Variants in ACSS1 observed in about 807,000 individuals in gnomAD.
ACSS1 encodes acyl-CoA synthetase short chain family member 1, also known as acetyl-coenzyme A synthetase 2-like, mitochondrial.
Under a neutral mutation model 75.3 loss-of-function variants are expected in ACSS1, and 42 were observed. The ratio of observed to expected loss-of-function variants is 0.56; its 90% CI spans 0.44 to 0.72. The LOEUF (loss-of-function observed/expected upper bound fraction) is 0.72, where lower values mean the gene tolerates loss of function less well. ACSS1 is among the 30% of genes least tolerant of loss of function. The pLI is 0.00. For synonymous variants in ACSS1, 380 were observed against 376.8 expected (o/e 1.01, Z -0.10); for missense variants, 782 against 935.7 (o/e 0.84, Z 2.14).
At chr20:25,015,542 C>A (rs188738437) in intron 7 of ACSS1, among the ~76,000 whole-genome samples, 38 of 152,328 alleles carry the variant, frequency 2.5e-4, no homozygotes, top group Admixed American at 2.5e-3. Flanking sequence ...GGTGATCCAC[C>A]TGCCTTGGCC....
chr20:25,050,852 G>A (rs544713467), intron 1 of ACSS1, among the ~76,000 whole-genome samples: 1 of 152,182 alleles, frequency 6.6e-6, no homozygotes, highest in South Asian at 2.1e-4. Context: ...GAGAGGGGCA[G>A]GCCAGCCCCA....
chr20:25,045,974 G>A (rs2089081338), intron 2 of ACSS1: 1 of 152,098 alleles, frequency 6.6e-6, no homozygotes, highest in Non-Finnish European at 1.5e-5. Flanking sequence ...CACCCAGGAT[G>A]GAGTGCAGTG....
chr20:25,016,097 C>T (rs1757591317), intron 7 of ACSS1, among the ~76,000 whole-genome samples: 3 of 152,198 alleles, frequency 2.0e-5, no homozygotes, highest in Admixed American at 6.5e-5. Context: ...AGGAACGCCA[C>T]ATTGCAAAGA....
chr20:25,013,763 C>T (rs1410651177), intron 9 of ACSS1, 101 bp from the exon 10 acceptor site: 1 of 1,470,694 alleles, frequency 6.8e-7, no homozygotes, highest in Non-Finnish European at 9.0e-7. Flanking sequence ...CCATAGCTCT[C>T]CCCTCTGCCC....
At chr20:25,040,756 A>G (rs1207033734) in intron 2 of ACSS1, among the ~76,000 whole-genome samples, 2 of 152,130 alleles carry the variant, frequency 1.3e-5, no homozygotes, top group Admixed American at 6.5e-5. Flanking sequence ...TGCAGCCCCA[A>G]TACCCAAACC....
chr20:25,015,071 C>T (rs2088492272), intron 8 of ACSS1, 67 bp downstream of exon 8: 2 of 1,426,646 alleles, frequency 1.4e-6, no homozygotes. Flanking sequence ...GGACCCCAGT[C>T]CCAGCCTCAC....
Position 25,007,439 on chromosome 20 carries a change from C to T in ACSS1, c.*323G>A, listed in dbSNP as rs559910811. The T allele has an allele frequency of 8.4e-7, 1 of 1,185,980 alleles. No individual in the cohort carries two copies. The highest frequency in any genetic ancestry group is 4.2e-5 in the Admixed American group (1 of 23,922). The allele number at this position is 1,185,980 out of a possible 1,614,324, so 73.5% of individuals were successfully genotyped here. On this transcript the variant is annotated 3_prime_UTR_variant, in exon 14 of 14. Coordinates refer to ENST00000323482, the MANE Select transcript of ACSS1 (RefSeq NM_032501.4). Reference sequence around the variant, plus strand: ...GTGTTATCTGAGCAGGCGCGCTATCCCAGGGCCTCACCTTCCTGTGCTGGC... The same window carrying T: ...GTGTTATCTGAGCAGGCGCGCTATCTCAGGGCCTCACCTTCCTGTGCTGGC...
chr20:25,040,992 C>A (rs779948576), intron 2 of ACSS1, among the ~76,000 whole-genome samples: 1 of 152,238 alleles, frequency 6.6e-6, no homozygotes, highest in African/African-American at 2.4e-5. Context: ...GGCGCAGTGG[C>A]TCATGCCTGT....
In ACSS1 at chr20:25,035,258, C is replaced by T. The variant is rs577834846; in HGVS notation, c.432-4300G>A. Among the ~76,000 whole-genome samples the T allele has an allele frequency of 4.6e-5, 7 of 152,298 alleles. No homozygotes were observed. In the East Asian group the frequency reaches 1.4e-3, roughly 29 times the overall value. ...AATTCAACATGAGGTCACTAACCTG[C>T]ACCCTCCCAACTCCTAATACATGTA... is the stretch of plus-strand genomic sequence containing the variant. On this transcript the variant is annotated intron_variant, in intron 2 of 13. Coordinates refer to ENST00000323482, the MANE Select transcript of ACSS1 (RefSeq NM_032501.4).
At chr20:25,009,132 C>T (rs975820587) in intron 13 of ACSS1, 138 bp downstream of exon 13, 11 of 792,204 alleles carry the variant, frequency 1.4e-5, no homozygotes, top group Non-Finnish European at 2.1e-5. Context: ...TCCTCACCAC[C>T]AGCCAGGAAA....
intron 7 of ACSS1, among the ~76,000 whole-genome samples, chr20:25,018,626 GCCT>G (rs1200122162): frequency 1.3e-5 from 2 of 152,168 alleles, no homozygotes; most frequent in African/African-American, 4.8e-5. Flanking sequence ...ACCTCTCTGT[GCCT>G]CCTCTTCCTT....
intron 3 of ACSS1, 84 bp from the exon 4 acceptor site, chr20:25,023,725 C>T (rs1313989579): frequency 6.0e-6 from 8 of 1,333,112 alleles, no homozygotes; most frequent in Non-Finnish European, 7.1e-6. Flanking sequence ...GACATCCAGG[C>T]CTAGGAGTGT....
At chr20:25,008,638 C>G (rs972080369) in intron 13 of ACSS1, among the ~76,000 whole-genome samples, 1 of 152,148 alleles carries the variant, frequency 6.6e-6, no homozygotes, top group East Asian at 1.9e-4. Flanking sequence ...AATGAAAAGC[C>G]GGGGGTTGAA....
In ACSS1 at chr20:25,057,776, A is replaced by G. The variant is rs150889612; in HGVS notation, c.327T>C (p.Asn109=). The G allele has an allele frequency of 1.5e-5, 23 of 1,580,408 alleles. No homozygotes were observed. In the African/African-American group the frequency reaches 1.9e-4, roughly 13 times the overall value. Residue 109 remains asparagine (N), a synonymous_variant, in exon 1 of 14, where the codon AAT becomes AAC. Transcript: ENST00000323482. Reference sequence around the variant, plus strand: ...CTCCCGAAGCCCACTCACCAGAGACATTTAACTGGCCTCCCAGGAACCAGC... The same window carrying G: ...CTCCCGAAGCCCACTCACCAGAGACGTTTAACTGGCCTCCCAGGAACCAGC... ...KIGWFLGGQL[N]VSVNCLDQHV...
Position 25,058,007 on chromosome 20 carries a change from G to T in ACSS1, c.96C>A (p.Ser32Arg), listed in dbSNP as rs1046017750. The change falls in exon 1 of 14, where the codon AGC becomes AGA. Residue 32 changes from serine (S) to arginine (R), a missense_variant. This residue lies in a region of ACSS1 where 377 missense variants were observed against 383.1 expected (regional missense o/e 0.98). Transcript: ENST00000323482. ...GTCCCGAGGCCGCCCTGCGCGGCGC[G>T]CTCACCCCGCACGGCGGCCGCGCGG... Reference protein sequence around the residue: ...GQPARPPCGVSAPRRAASGPS... With the variant: ...GQPARPPCGVRAPRRAASGPS... 2.1e-5 allele frequency: 31 copies of T among 1,462,688 alleles called. 2 individuals are homozygous for T. The South Asian group carries it at 4.2e-4, about 20-fold the overall frequency. 90.6% of individuals were successfully genotyped at this position (1,462,688 alleles called of 1,614,324 possible). A position where few individuals can be genotyped will look rare whatever the true frequency, so the allele number is the denominator to read the frequency against.
At chr20:25,035,160 G>A (rs2122704132) in intron 2 of ACSS1, among the ~76,000 whole-genome samples, 1 of 152,100 alleles carries the variant, frequency 6.6e-6, no homozygotes, top group East Asian at 1.9e-4. Context: ...CTCCCGAAGT[G>A]CTGGGATTAC....
At chr20:25,041,041 G>A (rs1000891951) in intron 2 of ACSS1, among the ~76,000 whole-genome samples, 4 of 152,130 alleles carry the variant, frequency 2.6e-5, no homozygotes, top group Admixed American at 6.5e-5. Context: ...GGTGGATCAC[G>A]AAGTCAGGAG....
intron 2 of ACSS1, chr20:25,046,868 A>G (rs2089100687): frequency 1.3e-6 from 1 of 779,576 alleles, no homozygotes; most frequent in Non-Finnish European, 2.4e-6. Context: ...ATCTGCAACC[A>G]GGGACTAGAG....
rs1600318144 is a variant in ACSS1 at position 25,021,683 on chromosome 20, G to A, written c.961-147C>T. Reference sequence around the variant, plus strand: ...TCAAATGGCCTCCAGCAGCAGGACAGGTGGGCACACTGCAGAGTCCGTCTA... The same window carrying A: ...TCAAATGGCCTCCAGCAGCAGGACAAGTGGGCACACTGCAGAGTCCGTCTA... On this transcript the variant is annotated intron_variant, in intron 5 of 13. Coordinates refer to ENST00000323482, the MANE Select transcript of ACSS1 (RefSeq NM_032501.4). The A allele has an allele frequency of 2.0e-5, 19 of 972,366 alleles. No individual in the cohort carries two copies. In the East Asian group the frequency reaches 3.4e-4, roughly 17 times the overall value. The allele number at this position is 972,366 out of a possible 1,614,324, so 60.2% of individuals were successfully genotyped here. A position where few individuals can be genotyped will look rare whatever the true frequency, so the allele number is the denominator to read the frequency against.
Sources: allele counts gnomAD v4.1 joint callset (sites outside exome capture counted in the v4.1 genomes callset), GRCh38; gene constraint gnomAD v4.1.1; regional missense constraint gnomAD v4.1.1; transcripts MANE v1.5; gene names NCBI Gene and HGNC (gene_info 2026-07-23, HGNC 2026-07-21).